Variants in DNAJC10 observed in about 807,000 individuals in gnomAD.
DNAJC10 encodes DnaJ heat shock protein family (Hsp40) member C10.
Under a neutral mutation model 115.0 loss-of-function variants are expected in DNAJC10, and 101 were observed. That is an observed-to-expected ratio of 0.88 (90% CI 0.75 to 1.04). DNAJC10 has a LOEUF of 1.04. Ranked by LOEUF, DNAJC10 falls within the 50% of genes least tolerant of loss-of-function variation. DNAJC10 has a pLI of 0.00. For missense variants in DNAJC10, 981 were observed against 928.8 expected, an observed-to-expected ratio of 1.06 and a Z score of -0.73; for synonymous variants, 307 against 301.5, an observed-to-expected ratio of 1.02 and a Z score of -0.19.
chr2:182,737,112 A>G (rs960111808), intron 11 of DNAJC10, among the ~76,000 whole-genome samples: 2 of 152,034 alleles, frequency 1.3e-5, no homozygotes, highest in Non-Finnish European at 2.9e-5. Context: ...GGGCCTAAGT[A>G]TTTTTCTAAA....
At chr2:182,732,808 G>T in intron 10 of DNAJC10, 1 of 461,588 alleles carries the variant, frequency 2.2e-6, no homozygotes, top group Non-Finnish European at 3.8e-6. Context: ...GAAGTTACAT[G>T]TTAGTGTTTT....
At chr2:182,740,565 TA>T (rs1693707582) in intron 12 of DNAJC10, among the ~76,000 whole-genome samples, 177 bp downstream of exon 12, 1 of 152,200 alleles carries the variant, frequency 6.6e-6, no homozygotes, top group Admixed American at 6.5e-5. Context: ...CTGGTGTTGC[TA>T]ATTCAGGATG....
intron 22 of DNAJC10, among the ~76,000 whole-genome samples, chr2:182,766,445 T>G (rs1448228305): frequency 6.6e-6 from 1 of 152,200 alleles, no homozygotes; most frequent in Non-Finnish European, 1.5e-5. Context: ...AAGATTTAAA[T>G]GAGTAATACT....
intron 5 of DNAJC10, among the ~76,000 whole-genome samples, 176 bp downstream of exon 5, chr2:182,722,251 A>G (rs1693169158): frequency 6.6e-6 from 1 of 152,164 alleles, no homozygotes; most frequent in Non-Finnish European, 1.5e-5. Flanking sequence ...CCATAATAAA[A>G]ACATTAATAT....
At chr2:182,740,938 A>G (rs1189874789) in intron 12 of DNAJC10, among the ~76,000 whole-genome samples, 1 of 152,156 alleles carries the variant, frequency 6.6e-6, no homozygotes, top group Non-Finnish European at 1.5e-5. Context: ...CTAAGCCTGA[A>G]AAAGCTGACA....
In DNAJC10 at chr2:182,752,176, ACT is replaced by A; in HGVS notation, c.1542_1543del (p.Cys515Ter). ...GTLDCTVHEG[L>X]CNMYNIQAYP... The stretch of plus-strand genomic sequence containing the variant: ...CACTAGATTGTACAGTTCATGAGGG[ACT>A]CTGTAACATGGTAAGGCAAAGTATC... On this transcript the variant is annotated frameshift_variant, in exon 16 of 24. Coordinates refer to ENST00000264065, the MANE Select transcript of DNAJC10 (RefSeq NM_018981.4). LOFTEE classifies it high-confidence loss of function. 2.6e-6 allele frequency: 4 copies of A among 1,538,548 alleles called. No homozygotes were observed. The highest frequency in any genetic ancestry group is 3.5e-6 in the Non-Finnish European group (4 of 1,131,318).
Position 182,762,135 on chromosome 2 carries a change from G to A in DNAJC10, c.2146-547G>A, listed in dbSNP as rs141941534. ...CCAAATAAGCAGACAATGGGAAGCAGTGAAACAGTAGACTGCTGCTCAGGA... is the reference window on the plus strand; with the variant it reads ...CCAAATAAGCAGACAATGGGAAGCAATGAAACAGTAGACTGCTGCTCAGGA... On this transcript the variant is annotated intron_variant, in intron 21 of 23. Coordinates refer to ENST00000264065, the MANE Select transcript of DNAJC10 (RefSeq NM_018981.4). Among the ~76,000 whole-genome samples the A allele has an allele frequency of 1.1e-3, 161 of 142,992 alleles. 1 individual carries two copies. The highest frequency in any genetic ancestry group is 6.9e-4 in the Non-Finnish European group (46 of 66,460). The allele number at this position is 142,992 out of a possible 152,430, so 93.8% of individuals were successfully genotyped here. A position where few individuals can be genotyped will look rare whatever the true frequency, so the allele number is the denominator to read the frequency against.
At chr2:182,718,389 CAT>C (rs1693055230) in intron 3 of DNAJC10, 99 bp downstream of exon 3, 3 of 983,012 alleles carry the variant, frequency 3.1e-6, no homozygotes, top group Non-Finnish European at 4.3e-6. Context: ...TAAGAATAAT[CAT>C]ATGTCAAAAT....
intron 22 of DNAJC10, among the ~76,000 whole-genome samples, chr2:182,766,698 C>G (rs1335068332): frequency 6.6e-6 from 1 of 152,128 alleles, no homozygotes; most frequent in Non-Finnish European, 1.5e-5. Flanking sequence ...ATTAGGAAGA[C>G]TGTCATAATC....
At chr2:182,769,878 T>G (rs192496005) in intron 22 of DNAJC10, among the ~76,000 whole-genome samples, 83 of 152,272 alleles carry the variant, frequency 5.5e-4, no homozygotes, top group Non-Finnish European at 8.8e-5. Flanking sequence ...GGTGTTTTCG[T>G]CATGAAGTCC....
intron 22 of DNAJC10, among the ~76,000 whole-genome samples, chr2:182,768,224 C>T (rs1310804468): frequency 6.6e-6 from 1 of 152,128 alleles, no homozygotes; most frequent in African/African-American, 2.4e-5. Flanking sequence ...TGAGAGGCAG[C>T]TTATATCAGA....
intron 17 of DNAJC10, 52 bp from the exon 18 acceptor site, chr2:182,756,262 T>C (rs934018334): frequency 1.5e-5 from 21 of 1,415,758 alleles, no homozygotes; most frequent in Non-Finnish European, 2.0e-5. Flanking sequence ...CAGGAATATA[T>C]GAACAGCTAT....
chr2:182,756,998 G>C (rs1354466934), intron 18 of DNAJC10, among the ~76,000 whole-genome samples: 3 of 151,638 alleles, frequency 2.0e-5, no homozygotes, highest in African/African-American at 7.3e-5. Flanking sequence ...CCTCATATTT[G>C]TTTCAATTTT....
At chr2:182,740,159 C>T in intron 11 of DNAJC10, 140 bp from the exon 12 acceptor site, 1 of 1,161,286 alleles carries the variant, frequency 8.6e-7, no homozygotes, top group Non-Finnish European at 1.1e-6. Flanking sequence ...TGAAAAAAGA[C>T]ATTTGGAATT....
At chr2:182,730,061 T>G in intron 8 of DNAJC10, 120 bp downstream of exon 8, 1 of 618,736 alleles carries the variant, frequency 1.6e-6, no homozygotes, top group South Asian at 2.1e-5. Context: ...CTTTTCCATG[T>G]TTCTTAGAAG....
rs1695100345 is a variant in DNAJC10, at chr2:182,794,050, ACCT to A, written c.*16924_*16926del. 2 of 152,142 alleles carry A rather than the reference ACCT, an allele frequency of 1.3e-5. No homozygotes were observed. Among genetic ancestry groups the A allele is most frequent in the Admixed American group, 6.5e-5 (1 of 15,280 alleles). 9.4% of individuals were successfully genotyped at this position (152,142 alleles called of 1,614,324 possible). A position where few individuals can be genotyped will look rare whatever the true frequency, so the allele number is the denominator to read the frequency against. On this transcript the variant is annotated 3_prime_UTR_variant, in exon 24 of 24. Coordinates refer to ENST00000264065, the MANE Select transcript of DNAJC10 (RefSeq NM_018981.4). ...TTTTTAGGTGGTTAGGTGATGAAAC[ACCT>A]CCTCCAAATGAAGGCATAAACAACA...
intron 13 of DNAJC10, among the ~76,000 whole-genome samples, chr2:182,743,383 GT>G (rs570045968): frequency 2.6e-5 from 4 of 151,646 alleles, no homozygotes; most frequent in Non-Finnish European, 5.9e-5. Context: ...AATTCCTCAG[GT>G]TTTTTTTAAC....
intron 11 of DNAJC10, chr2:182,739,729 TA>T: frequency 9.9e-7 from 1 of 1,005,274 alleles, no homozygotes; most frequent in Non-Finnish European, 1.2e-6. Context: ...TATTTTACTC[TA>T]AAAACTCCTA....
chr2:182,756,701 G>C (rs898367048), intron 18 of DNAJC10, among the ~76,000 whole-genome samples: 45 of 151,984 alleles, frequency 3.0e-4, no homozygotes, highest in African/African-American at 1.1e-3. Context: ...CGGGTAGCAG[G>C]GGGCAGAGTC....
Sources: allele counts gnomAD v4.1 joint callset (sites outside exome capture counted in the v4.1 genomes callset), GRCh38; gene constraint gnomAD v4.1.1; transcripts MANE v1.5; gene names NCBI Gene and HGNC (gene_info 2026-07-23, HGNC 2026-07-21).